Variants in TFEC observed in about 807,000 individuals in gnomAD.
TFEC encodes the protein transcription factor EC, also known as class E basic helix-loop-helix protein 34.
Under a neutral mutation model 41.6 loss-of-function variants are expected in TFEC, and 31 were observed. That is an observed-to-expected ratio of 0.74 (90% CI 0.56 to 1.01). The LOEUF (loss-of-function observed/expected upper bound fraction) is 1.01. Ranked by LOEUF, TFEC falls within the 50% of genes least tolerant of loss-of-function variation. The pLI, the probability that TFEC is intolerant of heterozygous loss-of-function variation, is 0.00. For synonymous variants in TFEC, 143 were observed against 140.6 expected (o/e 1.02, Z -0.12); for missense variants, 402 against 404.1 (o/e 0.99, Z 0.04).
At chr7:116,024,214 G>A (rs1001358656) in intron 1 of TFEC, among the ~76,000 whole-genome samples, 5 of 152,092 alleles carry the variant, frequency 3.3e-5, no homozygotes, top group African/African-American at 1.2e-4. Context: ...TGTAAGCCTA[G>A]AAACCATTTT....
At chr7:116,138,538 TCTA>T (rs1313181929) in intron 1 of TFEC, among the ~76,000 whole-genome samples, 1 of 152,166 alleles carries the variant, frequency 6.6e-6, no homozygotes, top group Non-Finnish European at 1.5e-5. Context: ...AAGCTACTAA[TCTA>T]CAGAGAAATG....
At chr7:115,943,403 G>A (rs13228399) in intron 6 of TFEC, among the ~76,000 whole-genome samples, 21,638 of 151,660 alleles carry the variant, frequency 0.14, 2,060 homozygotes, top group Non-Finnish European at 0.21. Flanking sequence ...GGAAAGAAAA[G>A]CTTGAGGACA....
intron 3 of TFEC, among the ~76,000 whole-genome samples, chr7:116,073,842 T>C (rs1562959973): frequency 6.6e-6 from 1 of 151,996 alleles, no homozygotes; most frequent in Admixed American, 6.6e-5. Flanking sequence ...CATAGATCAA[T>C]AGAATAAAAT....
intron 1 of TFEC, among the ~76,000 whole-genome samples, chr7:116,013,894 C>T (rs1795095871): frequency 6.6e-6 from 1 of 152,026 alleles, no homozygotes; most frequent in Admixed American, 6.6e-5. Flanking sequence ...TTTGTAATCA[C>T]CATATGCTGC....
At chr7:116,159,382 AT>A (rs1403628956) in intron 1 of TFEC, among the ~76,000 whole-genome samples, 2 of 151,948 alleles carry the variant, frequency 1.3e-5, no homozygotes, top group Non-Finnish European at 2.9e-5. Context: ...ATTATATATA[AT>A]AATTATATTT....
intron 1 of TFEC, among the ~76,000 whole-genome samples, chr7:116,011,982 C>T (rs1053713725): frequency 1.3e-5 from 2 of 152,204 alleles, no homozygotes; most frequent in Non-Finnish European, 2.9e-5. Context: ...ATCTGCAGAA[C>T]CATGAGCCAA....
chr7:116,121,034 T>G (rs1001564384), intron 1 of TFEC, among the ~76,000 whole-genome samples: 1 of 151,964 alleles, frequency 6.6e-6, no homozygotes, highest in Non-Finnish European at 1.5e-5. Context: ...ACTCAGCAAT[T>G]GCTCTTCTAA....
chr7:115,974,097 T>C (rs1793258904), intron 3 of TFEC, 73 bp downstream of exon 3: 2 of 1,236,052 alleles, frequency 1.6e-6, no homozygotes, highest in Non-Finnish European at 2.2e-6. Context: ...CACCAGTTGC[T>C]AATCAAATAT....
intron 3 of TFEC, among the ~76,000 whole-genome samples, chr7:116,037,524 A>G (rs1795938882): frequency 6.6e-6 from 1 of 152,034 alleles, no homozygotes; most frequent in South Asian, 2.1e-4. Context: ...AATAATTGGC[A>G]TTAATTATTC....
At chr7:116,156,288 G>A (rs541687258) in intron 1 of TFEC, among the ~76,000 whole-genome samples, 105 of 152,224 alleles carry the variant, frequency 6.9e-4, no homozygotes, top group African/African-American at 2.5e-3. Flanking sequence ...AGCATGGAGT[G>A]TAAACAAATT....
At chr7:116,049,999 T>C (rs1428113440) in intron 3 of TFEC, among the ~76,000 whole-genome samples, 2 of 152,212 alleles carry the variant, frequency 1.3e-5, no homozygotes, top group African/African-American at 2.4e-5. Flanking sequence ...GGGAAATTTA[T>C]AGCACTAAAT....
At chr7:116,062,559 TC>T (rs1382565052) in intron 3 of TFEC, among the ~76,000 whole-genome samples, 5 of 57,482 alleles carry the variant, frequency 8.7e-5, no homozygotes, top group African/African-American at 1.3e-4. Context: ...TGAGTAGTAC[TC>T]ATATATATAT....
intron 3 of TFEC, among the ~76,000 whole-genome samples, chr7:115,963,939 T>C (rs1335611808): frequency 6.6e-6 from 1 of 151,604 alleles, no homozygotes; most frequent in Non-Finnish European, 1.5e-5. Flanking sequence ...TTTACCCCAA[T>C]ATAAAAACAT....
intron 1 of TFEC, among the ~76,000 whole-genome samples, chr7:116,126,317 T>C (rs1462579791): frequency 6.6e-6 from 1 of 152,112 alleles, no homozygotes; most frequent in Non-Finnish European, 1.5e-5. Context: ...GGGACTATCT[T>C]AAAATGCAGA....
intron 6 of TFEC, among the ~76,000 whole-genome samples, chr7:115,949,610 T>C (rs1791817034): frequency 6.6e-6 from 1 of 152,084 alleles, no homozygotes; most frequent in Non-Finnish European, 1.5e-5. Flanking sequence ...AAGGATTCCC[T>C]ATTTAATAAA....
rs370596995 is a variant in TFEC at position 115,940,542 on chromosome 7, G to C, written c.*9C>G. ...GCTTTCCAGTTGATGAATTGGGTCT[G>C]TTTATTTCTTATAATTCATCACCAT... On this transcript the variant is annotated 3_prime_UTR_variant, in exon 8 of 8. Transcript: ENST00000265440. 23 of 1,600,660 alleles carry C rather than the reference G, an allele frequency of 1.4e-5. No individual in the cohort carries two copies. The highest frequency in any genetic ancestry group is 1.8e-5 in the Non-Finnish European group (21 of 1,172,584).
chr7:116,112,862 T>C (rs1797887727), intron 1 of TFEC, among the ~76,000 whole-genome samples: 1 of 151,912 alleles, frequency 6.6e-6, no homozygotes, highest in South Asian at 2.1e-4. Flanking sequence ...GAAAAGTATT[T>C]GAGGAACCAA....
chr7:115,957,831 T>C (rs574137880), intron 3 of TFEC, among the ~76,000 whole-genome samples: 1 of 151,854 alleles, frequency 6.6e-6, no homozygotes, highest in Middle Eastern at 3.4e-3. Flanking sequence ...TCCAATTCAA[T>C]TTGAGAGAAC....
At chr7:116,105,218 A>G (rs567590219) in intron 3 of TFEC, among the ~76,000 whole-genome samples, 40 of 152,196 alleles carry the variant, frequency 2.6e-4, no homozygotes, top group Non-Finnish European at 4.7e-4. Context: ...ACCAGGAGGC[A>G]GACATGAGAG....
Sources: gnomAD v4.1 joint callset for allele counts (sites outside exome capture counted in the v4.1 genomes callset) on GRCh38, gnomAD v4.1.1 for gene constraint, MANE v1.5 for transcripts, NCBI Gene and HGNC (gene_info 2026-07-23, HGNC 2026-07-21) for gene names.